PTPRQ: variants seen among roughly 807,000 people sequenced by gnomAD.
PTPRQ encodes the protein phosphatidylinositol phosphatase PTPRQ.
A neutral mutation model predicts 246.0 loss-of-function variants in PTPRQ; 199 were observed. That is an observed-to-expected ratio of 0.81 (90% CI 0.72 to 0.91). The LOEUF (loss-of-function observed/expected upper bound fraction) is 0.91. PTPRQ is among the 40% of genes least tolerant of loss of function. The probability of loss-of-function intolerance (pLI) is 0.00; values close to 1 mark genes in which losing one functional copy is unlikely to be tolerated. For synonymous variants in PTPRQ, 869 were observed against 853.2 expected (o/e 1.02, Z -0.32); for missense variants, 2,624 against 2,528.4 (o/e 1.04, Z -0.81).
At chr12:80,642,196 T>C (rs1262189307) in intron 35 of PTPRQ, among the ~76,000 whole-genome samples, 1 of 152,192 alleles carries the variant, frequency 6.6e-6, no homozygotes. Context: ...TTTCTGAGGT[T>C]GCTTCTAACA....
In PTPRQ at chr12:80,610,611, C is replaced by T; in HGVS notation, c.4904C>T (p.Thr1635Ile). The change falls in exon 28 of 45, where the codon ACT becomes ATT. Residue 1635 changes from threonine to isoleucine, a missense_variant. Coordinates refer to ENST00000644991, the MANE Select transcript of PTPRQ (RefSeq NM_001145026.2). ...EGKSSAEMIV[T>I]TLESAPKDPP... is the part of the protein sequence containing the mutation. ...AAGTCAAGTGCTGAAATGATTGTTA[C>T]TACTTTAGAATCAGGTAAGGAGAAT... The T allele has an allele frequency of 1.9e-6, 3 of 1,542,282 alleles. No individual in the cohort carries two copies. Among genetic ancestry groups the T allele is most frequent in the Non-Finnish European group, 2.6e-6 (3 of 1,140,690 alleles).
chr12:80,678,743 T>C lies in PTPRQ; in HGVS notation c.6862+18T>C. ...CATGGAAGGTAAACAGAAACAACAGTATATGCCCAGCTTACTAGTTTACCA... is the reference window on the plus strand; with the variant it reads ...CATGGAAGGTAAACAGAAACAACAGCATATGCCCAGCTTACTAGTTTACCA... On this transcript the variant is annotated intron_variant, in intron 44 of 44. Coordinates refer to ENST00000644991, the MANE Select transcript of PTPRQ (RefSeq NM_001145026.2). 13 of 1,541,310 alleles carry C rather than the reference T, an allele frequency of 8.4e-6. No homozygotes were observed. Among genetic ancestry groups the C allele is most frequent in the Non-Finnish European group, 1.1e-5 (13 of 1,142,532 alleles).
At chr12:80,574,751 G>A (rs954394279) in intron 25 of PTPRQ, among the ~76,000 whole-genome samples, 2 of 152,138 alleles carry the variant, frequency 1.3e-5, no homozygotes, top group African/African-American at 4.8e-5. Context: ...TTTTATAGAT[G>A]TCAGGTTGTT....
In PTPRQ at chr12:80,620,374, C is replaced by T. The variant is rs1898934179; in HGVS notation, c.5610C>T (p.Tyr1870=). 1 of 1,548,620 alleles carries T rather than the reference C, an allele frequency of 6.5e-7. No homozygotes were observed. The highest frequency in any genetic ancestry group is 8.7e-7 in the Non-Finnish European group (1 of 1,145,096). The change falls in exon 32 of 45, where the codon TAC becomes TAT. Residue 1870 remains tyrosine, a splice_region_variant and synonymous_variant. Coordinates refer to ENST00000644991, the MANE Select transcript of PTPRQ (RefSeq NM_001145026.2). Reference sequence around the variant, plus strand: ...GACCACTGAAACCAAAAAAGCAATACTTGTAAGTATAGGTTATATCTACCA... The same window carrying T: ...GACCACTGAAACCAAAAAAGCAATATTTGTAAGTATAGGTTATATCTACCA... ...CNGPLKPKKQ[Y]LFKFRATNIM... is the part of the protein sequence containing the mutation.
chr12:80,639,326 T>C (rs949531695), intron 35 of PTPRQ, among the ~76,000 whole-genome samples: 1 of 152,224 alleles, frequency 6.6e-6, no homozygotes, highest in Non-Finnish European at 1.5e-5. Flanking sequence ...CAGAAAAGAA[T>C]AGTAAAACAA....
At chr12:80,473,047 GCACACA>G (rs34054644) in intron 8 of PTPRQ, among the ~76,000 whole-genome samples, 270 of 145,650 alleles carry the variant, frequency 1.9e-3, no homozygotes, top group Middle Eastern at 3.5e-3. Flanking sequence ...TCACACACAC[GCACACA>G]CACACACACA....
intron 25 of PTPRQ, among the ~76,000 whole-genome samples, chr12:80,555,498 C>G (rs547296221): frequency 6.6e-6 from 1 of 152,136 alleles, no homozygotes; most frequent in African/African-American, 2.4e-5. Context: ...CAAAAGTTCA[C>G]TTTTCCTTTG....
chr12:80,512,009 G>A (rs1895140118), intron 17 of PTPRQ, among the ~76,000 whole-genome samples: 1 of 152,192 alleles, frequency 6.6e-6, no homozygotes, highest in Non-Finnish European at 1.5e-5. Context: ...GAAAGAGATG[G>A]TAGTGGCAAC....
At chr12:80,465,850 G>A (rs1375377955) in intron 6 of PTPRQ, among the ~76,000 whole-genome samples, 7 of 152,238 alleles carry the variant, frequency 4.6e-5, no homozygotes, top group Non-Finnish European at 1.0e-4. Flanking sequence ...TTGGTGGGAC[G>A]TATCTCAAAA....
At chr12:80,472,701 G>T (rs538310573) in intron 8 of PTPRQ, among the ~76,000 whole-genome samples, 10 of 152,210 alleles carry the variant, frequency 6.6e-5, no homozygotes, top group Non-Finnish European at 1.5e-4. Context: ...ATTCTGAGTG[G>T]ATGTATGATA....
chr12:80,483,570 T>A (rs1236498184), intron 8 of PTPRQ, among the ~76,000 whole-genome samples: 4 of 152,152 alleles, frequency 2.6e-5, no homozygotes, highest in African/African-American at 9.7e-5. Flanking sequence ...ATCCATGTAT[T>A]TAAAGACATT....
chr12:80,610,410 C>T, intron 27 of PTPRQ, 29 bp from the exon 28 acceptor site: 6 of 1,446,166 alleles, frequency 4.1e-6, no homozygotes, highest in Non-Finnish European at 5.4e-6. Flanking sequence ...AGTGCTGCTT[C>T]CTTAATTTTT....
At chr12:80,564,570 T>G (rs868451521) in intron 25 of PTPRQ, among the ~76,000 whole-genome samples, 2 of 152,312 alleles carry the variant, frequency 1.3e-5, no homozygotes, top group Middle Eastern at 3.4e-3. Flanking sequence ...TGGTAGAAAG[T>G]ATTGGGATGA....
At chr12:80,668,306 A>T (rs1380377053) in intron 39 of PTPRQ, among the ~76,000 whole-genome samples, 3 of 151,924 alleles carry the variant, frequency 2.0e-5, no homozygotes, top group Non-Finnish European at 4.4e-5. Context: ...AATATACACA[A>T]GGATGTCATA....
chr12:80,522,900 C>G (rs1045609767), intron 17 of PTPRQ, among the ~76,000 whole-genome samples: 1 of 152,186 alleles, frequency 6.6e-6, no homozygotes, highest in African/African-American at 2.4e-5. Context: ...GGAGGATTCT[C>G]TCTTTTTCTA....
chr12:80,633,688 C>T (rs926843739), intron 34 of PTPRQ, among the ~76,000 whole-genome samples: 1 of 152,206 alleles, frequency 6.6e-6, no homozygotes, highest in Admixed American at 6.5e-5. Context: ...AAGATATTTT[C>T]TCTATACCAC....
Position 80,588,342 on chromosome 12 carries a change from C to G in PTPRQ, c.4499C>G (p.Thr1500Arg). The G allele has an allele frequency of 3.9e-6, 6 of 1,551,068 alleles. No individual in the cohort carries two copies. The highest frequency in any genetic ancestry group is 5.2e-6 in the Non-Finnish European group (6 of 1,146,720). Residue 1500 changes from threonine (T) to arginine (R), a missense_variant, in exon 26 of 45, where the codon ACA becomes AGA. Coordinates refer to ENST00000644991, the MANE Select transcript of PTPRQ (RefSeq NM_001145026.2). ...TATGAAGCTCACTTAACTGAAGAGA[C>G]AGTATATGGATTAAAGAAATTTAGA... ...YLYEAHLTEETVYGLKKFRWY... is the reference protein window; with the variant it reads ...YLYEAHLTEERVYGLKKFRWY...
chr12:80,506,243 A>G (rs901119761), intron 15 of PTPRQ, 37 bp downstream of exon 15: 7 of 1,430,846 alleles, frequency 4.9e-6, no homozygotes, highest in South Asian at 1.5e-5. Flanking sequence ...ATTTGCATTT[A>G]TAATGACAGA....
At chr12:80,615,829 G>C (rs1328505729) in intron 29 of PTPRQ, among the ~76,000 whole-genome samples, 1 of 150,966 alleles carries the variant, frequency 6.6e-6, no homozygotes, top group Non-Finnish European at 1.5e-5. Flanking sequence ...AGATACAGTG[G>C]CTGTAGTGCT....
Sources: allele counts gnomAD v4.1 joint callset (sites outside exome capture counted in the v4.1 genomes callset), GRCh38; gene constraint gnomAD v4.1.1; transcripts MANE v1.5; gene names NCBI Gene and HGNC (gene_info 2026-07-23, HGNC 2026-07-21).